The following SMYD2 variants were observed in gnomAD, a reference collection of about 807,000 sequenced individuals.
SMYD2 encodes SET and MYND domain containing 2, also known as N-lysine methyltransferase SMYD2.
Under a neutral mutation model 59.1 loss-of-function variants are expected in SMYD2, and 53 were observed. The ratio of observed to expected loss-of-function variants is 0.90; its 90% CI spans 0.72 to 1.13. The LOEUF is 1.13. Ranked by LOEUF, SMYD2 falls within the 50% of genes most tolerant of loss-of-function variation. The pLI is 0.00. For synonymous variants in SMYD2, 208 were observed against 198.8 expected (o/e 1.05, Z -0.39); for missense variants, 494 against 544.7 (o/e 0.91, Z 0.93).
chr1:214,307,844 C>A (rs1431610608), intron 2 of SMYD2, among the ~76,000 whole-genome samples: 2 of 152,226 alleles, frequency 1.3e-5, no homozygotes, highest in East Asian at 1.9e-4. Context: ...ATATCCCAAC[C>A]TGTATGTGCC....
intron 1 of SMYD2, among the ~76,000 whole-genome samples, chr1:214,289,999 G>A (rs1656611249): frequency 6.6e-6 from 1 of 152,226 alleles, no homozygotes; most frequent in Admixed American, 6.5e-5. Flanking sequence ...CTTTTCAGGG[G>A]TTGAACCCAT....
chr1:214,287,481 G>A (rs1656568715), intron 1 of SMYD2, among the ~76,000 whole-genome samples: 1 of 151,688 alleles, frequency 6.6e-6, no homozygotes, highest in South Asian at 2.1e-4. Flanking sequence ...CAGCTACTTG[G>A]GAGGCTGAGG....
intron 3 of SMYD2, among the ~76,000 whole-genome samples, chr1:214,317,174 C>G (rs1043995395): frequency 2.0e-5 from 3 of 152,076 alleles, no homozygotes; most frequent in Non-Finnish European, 4.4e-5. Context: ...TATTTCGGCA[C>G]CAGGAGGGTA....
intron 3 of SMYD2, among the ~76,000 whole-genome samples, chr1:214,316,738 CGCCA>C (rs1371109930): frequency 1.3e-5 from 2 of 152,120 alleles, no homozygotes; most frequent in Non-Finnish European, 2.9e-5. Context: ...AATGCTACCT[CGCCA>C]GCCAGCCGAG....
At chr1:214,332,295 G>A (rs963583959) in intron 10 of SMYD2, 103 bp downstream of exon 10, 21 of 1,370,834 alleles carry the variant, frequency 1.5e-5, no homozygotes, top group African/African-American at 4.3e-5. Flanking sequence ...CTTGCCTAGC[G>A]CAGCTGCCTC....
At chr1:214,331,973 C>T in intron 9 of SMYD2, 45 bp from the exon 10 acceptor site, 1 of 1,583,616 alleles carries the variant, frequency 6.3e-7, no homozygotes, top group Non-Finnish European at 8.6e-7. Context: ...GGGGAAGCCT[C>T]CAGGCAGCTT....
chr1:214,318,281 T>G lies in SMYD2; in HGVS notation c.409+142T>G, dbSNP rs772242804. 61 of 755,796 alleles carry G rather than the reference T, an allele frequency of 8.1e-5. No homozygotes were observed. The highest frequency in any genetic ancestry group is 1.2e-4 in the Non-Finnish European group (56 of 479,672). The allele number at this position is 755,796 out of a possible 1,614,324, so 46.8% of individuals were successfully genotyped here. On this transcript the variant is annotated intron_variant, in intron 4 of 11. Transcript: ENST00000366957. The surrounding 1 kb of genome is among the most constrained non-coding windows in gnomAD (Gnocchi z 5.4). ...TTACTAGTTTTTATTTTTACTCTTG[T>G]GCTGTTTCGAAAAGCACTTTTAGCT...
At chr1:214,298,604 A>G (rs1190003985) in intron 1 of SMYD2, among the ~76,000 whole-genome samples, 1 of 152,180 alleles carries the variant, frequency 6.6e-6, no homozygotes, top group Non-Finnish European at 1.5e-5. Context: ...GAGCAAACAG[A>G]CACCCTACAG....
At position 214,281,256 on chromosome 1, in the gene SMYD2, T is replaced by TGAGGGCC. The variant is rs1239063097; in HGVS notation, c.10_16dup (p.Leu6?). ...CGGCGGCCGCGCCCCGCCGCCACCA[T>TGAGGGCC]GAGGGCCGAGGGCCTCGGCGGCCTG... On this transcript the variant is annotated frameshift_variant and start_lost, in exon 1 of 12. Transcript: ENST00000366957. LOFTEE classifies it high-confidence loss of function. 1 of 1,239,910 alleles carries TGAGGGCC rather than the reference T, an allele frequency of 8.1e-7. No homozygotes were observed. Among genetic ancestry groups the TGAGGGCC allele is most frequent in the Non-Finnish European group, 1.0e-6 (1 of 984,478 alleles). 76.8% of individuals were successfully genotyped at this position (1,239,910 alleles called of 1,614,324 possible). A position where few individuals can be genotyped will look rare whatever the true frequency, so the allele number is the denominator to read the frequency against.
At chr1:214,315,603 A>G (rs28680574) in intron 3 of SMYD2, among the ~76,000 whole-genome samples, 19,207 of 152,206 alleles carry the variant, frequency 0.13, 1,489 homozygotes, top group East Asian at 0.26. Context: ...TGACAAATCC[A>G]GTTTATTAGA....
Position 214,305,195 on chromosome 1 carries a change from G to T in SMYD2, c.182G>T (p.Gly61Val). The change falls in exon 2 of 12, where the codon GGA becomes GTA. Residue 61 changes from glycine (G) to valine (V), a missense_variant. Gly to Val is a moderately radical substitution (Grantham distance 109, BLOSUM62 -3). Coordinates refer to ENST00000366957, the MANE Select transcript of SMYD2 (RefSeq NM_020197.3). ...CCCTTTCTGTTTTTAAGGAAAGAAG[G>T]ATTGTCCAAATGTGGAAGATGCAAG... ...HCEYCFTRKE[G>V]LSKCGRCKQA... 1 of 1,614,186 alleles carries T rather than the reference G, an allele frequency of 6.2e-7. No individual in the cohort carries two copies. The highest frequency in any genetic ancestry group is 8.5e-7 in the Non-Finnish European group (1 of 1,180,004).
At chr1:214,295,625 A>G (rs1656714005) in intron 1 of SMYD2, among the ~76,000 whole-genome samples, 1 of 152,162 alleles carries the variant, frequency 6.6e-6, no homozygotes, top group Non-Finnish European at 1.5e-5. Context: ...TCTAACTTTT[A>G]ACAAGCCTCA....
intron 1 of SMYD2, among the ~76,000 whole-genome samples, chr1:214,294,595 C>T (rs1288243701): frequency 1.3e-5 from 2 of 152,018 alleles, no homozygotes; most frequent in East Asian, 1.9e-4. Flanking sequence ...CTCTTGAACC[C>T]GGGAGGCAGA....
At chr1:214,299,558 C>A (rs910164134) in intron 1 of SMYD2, among the ~76,000 whole-genome samples, 2 of 151,648 alleles carry the variant, frequency 1.3e-5, no homozygotes, top group Admixed American at 1.3e-4. Context: ...CAGCTGGAGG[C>A]CCTTATCCTA....
chr1:214,314,436 T>C (rs1657048750), intron 2 of SMYD2, among the ~76,000 whole-genome samples: 1 of 152,144 alleles, frequency 6.6e-6, no homozygotes, highest in Admixed American at 6.5e-5. Context: ...CCCTCTGCAA[T>C]TTGACAGCTT....
At chr1:214,321,737 A>G (rs1393740478) in intron 5 of SMYD2, among the ~76,000 whole-genome samples, 1 of 152,224 alleles carries the variant, frequency 6.6e-6, no homozygotes, top group Admixed American at 6.5e-5. Context: ...TCTAAATGCT[A>G]ATTATGAGAA....
chr1:214,302,296 G>A (rs535745911), intron 1 of SMYD2, among the ~76,000 whole-genome samples: 1 of 149,938 alleles, frequency 6.7e-6, no homozygotes, highest in African/African-American at 2.5e-5. Context: ...CCAAGATCAT[G>A]CCATTGCACT....
chr1:214,328,616 A>G (rs2102477411), intron 7 of SMYD2, among the ~76,000 whole-genome samples: 1 of 152,310 alleles, frequency 6.6e-6, no homozygotes, highest in South Asian at 2.1e-4. Flanking sequence ...TTGTAATGCT[A>G]TTTTACGGTG....
intron 2 of SMYD2, among the ~76,000 whole-genome samples, chr1:214,308,956 G>A (rs924153006): frequency 3.9e-5 from 6 of 152,168 alleles, no homozygotes; most frequent in Non-Finnish European, 7.3e-5. Context: ...TGTGAAAGGG[G>A]AGAGCTGCGT....
Sources: gnomAD v4.1 joint callset for allele counts (sites outside exome capture counted in the v4.1 genomes callset) on GRCh38, gnomAD v4.1.1 for gene constraint, Gnocchi (gnomAD v3.1) non-coding constraint, MANE v1.5 for transcripts, NCBI Gene and HGNC (gene_info 2026-07-23, HGNC 2026-07-21) for gene names.